The following CRYBG1 variants were observed in gnomAD, a reference collection of about 807,000 sequenced individuals.
CRYBG1 encodes crystallin beta-gamma domain containing 1.
Under a neutral mutation model 189.2 loss-of-function variants are expected in CRYBG1, and 139 were observed. The ratio of observed to expected loss-of-function variants is 0.73; its 90% confidence interval spans 0.64 to 0.85. The LOEUF is 0.85. CRYBG1 is among the 40% of genes least tolerant of loss of function. The pLI is 0.00. For synonymous variants in CRYBG1, 1,023 were observed against 1,017.1 expected (o/e 1.01, Z -0.11); for missense variants, 2,611 against 2,675.8 (o/e 0.98, Z 0.53).
intron 1 of CRYBG1, among the ~76,000 whole-genome samples, chr6:106,386,801 G>T (rs1435268526): frequency 1.3e-5 from 2 of 152,202 alleles, no homozygotes; most frequent in Non-Finnish European, 2.9e-5. Context: ...TCGCTCACTT[G>T]CCTGTCATTC....
chr6:106,527,908 A>C (rs1773790599), intron 7 of CRYBG1, among the ~76,000 whole-genome samples: 3 of 152,208 alleles, frequency 2.0e-5, no homozygotes, highest in Non-Finnish European at 4.4e-5. Flanking sequence ...TGTGGGTTTA[A>C]CAAAATATTA....
chr6:106,479,904 G>T, intron 2 of CRYBG1, among the ~76,000 whole-genome samples: 1 of 151,988 alleles, frequency 6.6e-6, no homozygotes, highest in Non-Finnish European at 1.5e-5. Flanking sequence ...AAGCACAAAA[G>T]TTTTTAATTT....
intron 5 of CRYBG1, 24 bp from the exon 6 acceptor site, chr6:106,525,244 G>A (rs752363014): frequency 5.3e-5 from 86 of 1,610,584 alleles, no homozygotes; most frequent in Non-Finnish European, 6.7e-5. Context: ...AACAAAGTGT[G>A]CTACCACTTT....
intron 1 of CRYBG1, among the ~76,000 whole-genome samples, chr6:106,399,514 G>A (rs11152980): frequency 0.52 from 79,179 of 151,908 alleles, 20,976 homozygotes; most frequent in South Asian, 0.73. Flanking sequence ...CTGGATGCGT[G>A]ACATAGGTAT....
chr6:106,434,395 A>G (rs1311722274), intron 1 of CRYBG1, among the ~76,000 whole-genome samples: 3 of 152,178 alleles, frequency 2.0e-5, no homozygotes, highest in African/African-American at 7.2e-5. Context: ...ACTGCATTTA[A>G]GACTGTGGGC....
chr6:106,562,547 C>T (rs1327096660), intron 20 of CRYBG1, among the ~76,000 whole-genome samples: 1 of 151,044 alleles, frequency 6.6e-6, no homozygotes, highest in African/African-American at 2.4e-5. Flanking sequence ...AGTGCAGTGG[C>T]ACTATCTCGG....
At chr6:106,549,946 T>C (rs1774358485) in intron 13 of CRYBG1, among the ~76,000 whole-genome samples, 1 of 152,222 alleles carries the variant, frequency 6.6e-6, no homozygotes, top group African/African-American at 2.4e-5. Context: ...GAAAGGGAAC[T>C]TTCCAGGGCA....
chr6:106,393,323 A>G (rs1770544884), intron 1 of CRYBG1, among the ~76,000 whole-genome samples: 1 of 152,130 alleles, frequency 6.6e-6, no homozygotes, highest in South Asian at 2.1e-4. Flanking sequence ...TATAGCCCAT[A>G]TAATTAGGGC....
chr6:106,388,528 T>G (rs1322402792), intron 1 of CRYBG1, among the ~76,000 whole-genome samples: 1 of 152,226 alleles, frequency 6.6e-6, no homozygotes, highest in African/African-American at 2.4e-5. Context: ...AATAATATTT[T>G]GAATATGTAA....
chr6:106,459,548 T>G (rs1391595343), intron 2 of CRYBG1, among the ~76,000 whole-genome samples: 1 of 138,712 alleles, frequency 7.2e-6, no homozygotes, highest in Non-Finnish European at 1.7e-5. Flanking sequence ...TTTGTGGGTT[T>G]TTTTTTTTTT....
In CRYBG1 at chr6:106,403,643, T is replaced by G. The variant is rs144900871; in HGVS notation, c.173+42562T>G. On this transcript the variant is annotated intron_variant, in intron 1 of 21. Coordinates refer to ENST00000633556, the MANE Select transcript of CRYBG1 (RefSeq NM_001371242.2). ...TATACACACACGCACTTGAAATACT[T>G]TTTTATGAACAATGGGTAGCCTTAC... 9.1e-4 allele frequency among the ~76,000 whole-genome samples: 139 copies of G among 152,338 alleles called. 1 individual carries two copies. Among genetic ancestry groups the G allele is most frequent in the African/African-American group, 3.2e-3 (132 of 41,582 alleles).
intron 8 of CRYBG1, among the ~76,000 whole-genome samples, chr6:106,530,796 A>C (rs1773861045): frequency 6.6e-6 from 1 of 152,194 alleles, no homozygotes; most frequent in Non-Finnish European, 1.5e-5. Context: ...GGAAATGGGA[A>C]TACCTCAGAT....
rs567800053 is a variant in CRYBG1 at position 106,451,594 on chromosome 6, T to C, written c.174-100T>C. 174 of 1,182,666 alleles carry C rather than the reference T, an allele frequency of 1.5e-4. No individual in the cohort carries two copies. In the African/African-American group the frequency reaches 2.5e-3, roughly 17 times the overall value. 73.3% of individuals were successfully genotyped at this position (1,182,666 alleles called of 1,614,324 possible). On this transcript the variant is annotated intron_variant, in intron 1 of 21. Coordinates refer to ENST00000633556, the MANE Select transcript of CRYBG1 (RefSeq NM_001371242.2). The stretch of plus-strand genomic sequence containing the variant: ...AGAATGATTCATTATTTGGGCTGAC[T>C]GGAAATATATTAATACATGGAGAAA...
intron 1 of CRYBG1, among the ~76,000 whole-genome samples, chr6:106,422,344 A>ATTTTTTTTTTTTTTTTTTTTTTT (rs145135507): frequency 2.1e-5 from 3 of 139,990 alleles, no homozygotes; most frequent in East Asian, 2.2e-4. Flanking sequence ...TTATTTATTT[A>ATTTTTTTTTTTTTTTTTTTTTTT]TTTTTGAGAC....
Position 106,423,694 on chromosome 6 carries a change from C to CT in CRYBG1, c.174-28000_174-27999insT, listed in dbSNP as rs1350862841. Among the ~76,000 whole-genome samples, 485 of 101,232 alleles carry CT rather than the reference C, an allele frequency of 4.8e-3. 65 individuals are homozygous for CT. The highest frequency in any genetic ancestry group is 0.017 in the African/African-American group (411 of 23,634). 66.4% of individuals were successfully genotyped at this position (101,232 alleles called of 152,430 possible). ...CCCTCCAGTCCTCAGTTCTCCCTCCCCTTTTTTTTTTTTTTTTTTTTTTTT... is the reference window on the plus strand; with the variant it reads ...CCCTCCAGTCCTCAGTTCTCCCTCCCTCTTTTTTTTTTTTTTTTTTTTTTTT... On this transcript the variant is annotated intron_variant, in intron 1 of 21. Transcript: ENST00000633556.
At chr6:106,483,378 G>GTGTGTGTGTA (rs1347885031) in intron 2 of CRYBG1, among the ~76,000 whole-genome samples, 51 of 113,800 alleles carry the variant, frequency 4.5e-4, no homozygotes, top group East Asian at 1.3e-3. Context: ...GTGTGTGTGT[G>GTGTGTGTGTA]TATATATATA....
At chr6:106,502,129 C>T (rs932963693) in intron 2 of CRYBG1, among the ~76,000 whole-genome samples, 1 of 152,198 alleles carries the variant, frequency 6.6e-6, no homozygotes, top group Non-Finnish European at 1.5e-5. Flanking sequence ...CACCCTCTTT[C>T]CCCCAACTTA....
intron 1 of CRYBG1, among the ~76,000 whole-genome samples, chr6:106,367,896 G>T (rs1479618728): frequency 4.0e-5 from 6 of 151,888 alleles, no homozygotes; most frequent in Admixed American, 3.9e-4. Context: ...GAGCCCAGGA[G>T]TTATGATCAT....
intron 1 of CRYBG1, among the ~76,000 whole-genome samples, chr6:106,366,702 A>G (rs1582722828): frequency 6.6e-6 from 1 of 152,292 alleles, no homozygotes; most frequent in East Asian, 1.9e-4. Context: ...CACTTCTCTT[A>G]TGGAGCTGTA....
Sources: allele counts gnomAD v4.1 joint callset (sites outside exome capture counted in the v4.1 genomes callset), GRCh38; gene constraint gnomAD v4.1.1; transcripts MANE v1.5; gene names NCBI Gene and HGNC (gene_info 2026-07-23, HGNC 2026-07-21).